The following ST6GALNAC3 variants were observed in gnomAD, a reference collection of about 807,000 sequenced individuals.
The protein encoded by ST6GALNAC3 is ST6 N-acetylgalactosaminide alpha-2,6-sialyltransferase 3, also known as alpha-N-acetylgalactosaminide alpha-2,6-sialyltransferase 3.
In ST6GALNAC3, 25 loss-of-function variants were observed where a neutral mutation model predicts 32.7. That is an observed-to-expected ratio of 0.76 (90% CI 0.56 to 1.07). The LOEUF (loss-of-function observed/expected upper bound fraction) is 1.07, where lower values mean the gene tolerates loss of function less well. Ranked by LOEUF, ST6GALNAC3 falls within the 50% of genes least tolerant of loss-of-function variation. ST6GALNAC3 has a pLI of 0.00. For synonymous variants in ST6GALNAC3, 129 were observed against 133.1 expected, an observed-to-expected ratio of 0.97 and a Z score of 0.21; for missense variants, 355 against 382.4, an observed-to-expected ratio of 0.93 and a Z score of 0.60.
At chr1:76,563,721 T>C (rs976172695) in intron 3 of ST6GALNAC3, among the ~76,000 whole-genome samples, 2 of 152,240 alleles carry the variant, frequency 1.3e-5, no homozygotes, top group African/African-American at 4.8e-5. Context: ...ATATATGTTT[T>C]GTTTGATTTT....
chr1:76,534,075 C>T (rs1307723819), intron 3 of ST6GALNAC3, among the ~76,000 whole-genome samples: 1 of 152,076 alleles, frequency 6.6e-6, no homozygotes, highest in Non-Finnish European at 1.5e-5. Context: ...CAGAGTCTCA[C>T]TCTGTTGCCC....
At chr1:76,204,499 G>A (rs185318876) in intron 1 of ST6GALNAC3, among the ~76,000 whole-genome samples, 38 of 152,270 alleles carry the variant, frequency 2.5e-4, no homozygotes, top group African/African-American at 7.9e-4. Context: ...GGAACTGGGT[G>A]CTCTGGGAGT....
intron 3 of ST6GALNAC3, among the ~76,000 whole-genome samples, chr1:76,461,407 C>T (rs1658270235): frequency 6.6e-6 from 1 of 152,130 alleles, no homozygotes; most frequent in African/African-American, 2.4e-5. Flanking sequence ...TGCCCTTAAG[C>T]CTCAAAAGCA....
At chr1:76,124,318 A>G (rs1226723202) in intron 1 of ST6GALNAC3, among the ~76,000 whole-genome samples, 1 of 152,164 alleles carries the variant, frequency 6.6e-6, no homozygotes, top group Non-Finnish European at 1.5e-5. Flanking sequence ...TGAACAAATC[A>G]TGCGCATTCT....
intron 2 of ST6GALNAC3, among the ~76,000 whole-genome samples, chr1:76,315,119 G>C (rs1220314098): frequency 2.0e-5 from 3 of 151,762 alleles, no homozygotes; most frequent in African/African-American, 7.3e-5. Flanking sequence ...TAAATTCTTA[G>C]AATCTTTGAT....
In ST6GALNAC3 at chr1:76,412,034, T is replaced by C. The variant is rs746048273; in HGVS notation, c.240T>C (p.Cys80=). The change falls in exon 3 of 5, where the codon TGT becomes TGC. Residue 80 remains cysteine (C), a synonymous_variant. Transcript: ENST00000328299. ...CTTTGCAACTGGACTGTGACCTTTG[T>C]GCCATAGTGTCAAACTCAGGTCAGA... The part of the protein sequence containing the change: ...QEPLQLDCDL[C]AIVSNSGQMV... 6.2e-7 allele frequency: 1 copy of C among 1,613,518 alleles called. No homozygotes were observed. The highest frequency in any genetic ancestry group is 1.7e-5 in the Admixed American group (1 of 59,952).
chr1:76,571,151 C>A (rs1434063846), intron 3 of ST6GALNAC3, among the ~76,000 whole-genome samples: 1 of 152,096 alleles, frequency 6.6e-6, no homozygotes, highest in Non-Finnish European at 1.5e-5. Flanking sequence ...TATTCTATCT[C>A]CTATCTGTGT....
chr1:76,207,471 A>G (rs1425882536), intron 1 of ST6GALNAC3, among the ~76,000 whole-genome samples: 1 of 152,236 alleles, frequency 6.6e-6, no homozygotes, highest in Non-Finnish European at 1.5e-5. Flanking sequence ...CAAGACAAGA[A>G]GTTTACTTAG....
intron 3 of ST6GALNAC3, among the ~76,000 whole-genome samples, chr1:76,518,146 A>G (rs1662284492): frequency 6.6e-6 from 1 of 152,030 alleles, no homozygotes; most frequent in African/African-American, 2.4e-5. Context: ...AATTTTAATA[A>G]GTTGACCTTA....
intron 2 of ST6GALNAC3, among the ~76,000 whole-genome samples, chr1:76,407,179 G>A (rs535274307): frequency 1.3e-4 from 19 of 151,994 alleles, no homozygotes; most frequent in African/African-American, 3.6e-4. Flanking sequence ...AACAGCATAC[G>A]AATTGACTCT....
rs1553133459 is a variant in ST6GALNAC3, at chr1:76,525,806, T to TACAC, written c.624-101645_624-101644insCACA. Among the ~76,000 whole-genome samples the TACAC allele has an allele frequency of 7.0e-4, 57 of 81,002 alleles. 1 individual carries two copies. Among genetic ancestry groups the TACAC allele is most frequent in the African/African-American group, 2.7e-3 (55 of 20,010 alleles). 53.1% of individuals were successfully genotyped at this position (81,002 alleles called of 152,430 possible). ...GTGTGTGTGTGTATATATATATATATATATATATATATATATATATATGAC... is the reference window on the plus strand; with the variant it reads ...GTGTGTGTGTGTATATATATATATATACACATATATATATATATATATATATGAC... On this transcript the variant is annotated intron_variant, in intron 3 of 4. Coordinates refer to ENST00000328299, the MANE Select transcript of ST6GALNAC3 (RefSeq NM_152996.4).
downstream of ST6GALNAC3, chr1:76,634,685 A>ATTTTTTTTTT (rs755148916): frequency 2.1e-5 from 1 of 47,356 alleles, no homozygotes; most frequent in Non-Finnish European, 3.9e-5. Context: ...GCGGTATGGG[A>ATTTTTTTTTT]TTTTTTTTTT....
At chr1:76,198,816 C>T (rs1043937225) in intron 1 of ST6GALNAC3, among the ~76,000 whole-genome samples, 2 of 152,094 alleles carry the variant, frequency 1.3e-5, no homozygotes, top group African/African-American at 2.4e-5. Context: ...AGGTAGAGTT[C>T]GGTTTCTGGA....
chr1:76,142,943 C>A, intron 1 of ST6GALNAC3: 2 of 431,404 alleles, frequency 4.6e-6, no homozygotes, highest in South Asian at 1.7e-5. Flanking sequence ...TCTTTTATTT[C>A]TTTGACTTTA....
intron 3 of ST6GALNAC3, among the ~76,000 whole-genome samples, chr1:76,468,150 G>A (rs1658769887): frequency 6.6e-6 from 1 of 151,482 alleles, no homozygotes; most frequent in African/African-American, 2.4e-5. Flanking sequence ...GCAAAGATAG[G>A]CAAGTGAGTG....
chr1:76,254,434 A>C lies in ST6GALNAC3; in HGVS notation c.19-59371A>C, dbSNP rs370642697. On this transcript the variant is annotated intron_variant, in intron 1 of 4. Transcript: ENST00000328299. ...TGAAGTCTCTTTTGTGATAGGAGAA[A>C]ATGACAATTACTCTCCTCTTGTGTT... Among the ~76,000 whole-genome samples, 17 of 152,258 alleles carry C rather than the reference A, an allele frequency of 1.1e-4. No individual in the cohort carries two copies. The East Asian group carries it at 3.3e-3, about 29-fold the overall frequency.
At chr1:76,459,580 A>G (rs1049485659) in intron 3 of ST6GALNAC3, among the ~76,000 whole-genome samples, 5 of 151,650 alleles carry the variant, frequency 3.3e-5, no homozygotes, top group African/African-American at 1.2e-4. Context: ...AAAAAAAAAG[A>G]ATAGAATTGA....
chr1:76,582,046 G>A lies in ST6GALNAC3; in HGVS notation c.624-45406G>A, dbSNP rs573319140. ...TACGCCGCTTGTCCATTTTGAGAGG[G>A]CTAATTGATAAGTTGAAACTAAATA... On this transcript the variant is annotated intron_variant, in intron 3 of 4. Transcript: ENST00000328299. 4.6e-5 allele frequency among the ~76,000 whole-genome samples: 7 copies of A among 152,174 alleles called. No homozygotes were observed. In the South Asian group the frequency reaches 1.2e-3, roughly 27 times the overall value.
At chr1:76,457,608 A>G (rs1319704096) in intron 3 of ST6GALNAC3, among the ~76,000 whole-genome samples, 1 of 152,044 alleles carries the variant, frequency 6.6e-6, no homozygotes, top group Non-Finnish European at 1.5e-5. Flanking sequence ...ATCTTTGACA[A>G]ACCTGAGAAA....
Sources: allele counts gnomAD v4.1 joint callset (sites outside exome capture counted in the v4.1 genomes callset), GRCh38; gene constraint gnomAD v4.1.1; transcripts MANE v1.5; gene names NCBI Gene and HGNC (gene_info 2026-07-23, HGNC 2026-07-21).